The following BPIFB4 variants were observed in gnomAD, a reference collection of about 807,000 sequenced individuals.
BPIFB4 encodes BPI fold-containing family B member 4.
A neutral mutation model predicts 69.2 loss-of-function variants in BPIFB4; 62 were observed. The ratio of observed to expected loss-of-function variants is 0.90; its 90% CI spans 0.73 to 1.11. BPIFB4 has a LOEUF of 1.11. Ranked by LOEUF, BPIFB4 falls within the 50% of genes least tolerant of loss-of-function variation. The probability of loss-of-function intolerance (pLI) is 0.00; values close to 1 mark genes in which losing one functional copy is unlikely to be tolerated. For synonymous variants in BPIFB4, 330 were observed against 332.7 expected, an observed-to-expected ratio of 0.99 and a Z score of 0.09; for missense variants, 789 against 792.0, an observed-to-expected ratio of 1.00 and a Z score of 0.04.
chr20:33,094,443 T>G (rs1464427705), intron 11 of BPIFB4, among the ~76,000 whole-genome samples: 2 of 152,184 alleles, frequency 1.3e-5, no homozygotes, highest in African/African-American at 4.8e-5. Context: ...GTTATGCAAA[T>G]GGACTTGATG....
intron 16 of BPIFB4, among the ~76,000 whole-genome samples, chr20:33,105,681 T>C (rs1019218823): frequency 6.6e-6 from 1 of 152,200 alleles, no homozygotes; most frequent in African/African-American, 2.4e-5. Context: ...TGTCATCAGC[T>C]ACACCAGCGG....
At chr20:33,080,851 CAGAT>C (rs1213338805) in intron 2 of BPIFB4, among the ~76,000 whole-genome samples, 19 of 151,574 alleles carry the variant, frequency 1.3e-4, no homozygotes, top group Non-Finnish European at 2.1e-4. Flanking sequence ...GTTTGGATGA[CAGAT>C]GGATGATAGA....
At position 33,104,321 on chromosome 20, in the gene BPIFB4, G is replaced by A. The variant is rs145986586; in HGVS notation, c.1681-489G>A. Among the ~76,000 whole-genome samples, 1,320 of 152,294 alleles carry A rather than the reference G, an allele frequency of 8.7e-3. 16 individuals carry two copies. Among genetic ancestry groups the A allele is most frequent in the African/African-American group, 0.03 (1,243 of 41,560 alleles). ...ACGTGATCTACCCACCATCCTCACC[G>A]CATCCTTGCAAACTCAGCTCACTGA... On this transcript the variant is annotated intron_variant, in intron 15 of 17. Coordinates refer to ENST00000375483, the MANE Select transcript of BPIFB4 (RefSeq NM_182519.3).
intron 10 of BPIFB4, among the ~76,000 whole-genome samples, chr20:33,091,362 G>A (rs1981594660): frequency 6.6e-6 from 1 of 152,236 alleles, no homozygotes. Flanking sequence ...GACGTCAGTG[G>A]ATGCAGAGTT....
Position 33,084,969 on chromosome 20 carries a change from A to T in BPIFB4, c.755A>T (p.Tyr252Phe), listed in dbSNP as rs975728531. 1.9e-6 allele frequency: 3 copies of T among 1,611,968 alleles called. No homozygotes were observed. The highest frequency in any genetic ancestry group is 1.7e-5 in the Admixed American group (1 of 59,986). ...LPGVGVYLSL[Y>F]TRVAINGKSL... Reference sequence around the variant, plus strand: ...GGCGTGGGTGTCTACCTGAGCTTGTACACCCGTGTGGCCATCAACGGGAAG... The same window carrying T: ...GGCGTGGGTGTCTACCTGAGCTTGTTCACCCGTGTGGCCATCAACGGGAAG... The change falls in exon 6 of 18, where the codon TAC becomes TTC. Residue 252 changes from tyrosine to phenylalanine, a missense_variant. Tyr to Phe is a conservative substitution (Grantham distance 22, BLOSUM62 3). This residue lies in a region of BPIFB4 where 611 missense variants were observed against 575.4 expected (regional missense o/e 1.06). Transcript: ENST00000375483.
At chr20:33,100,648 T>G (rs1416502816) in intron 14 of BPIFB4, among the ~76,000 whole-genome samples, 155 bp downstream of exon 14, 1 of 152,172 alleles carries the variant, frequency 6.6e-6, no homozygotes, top group Non-Finnish European at 1.5e-5. Flanking sequence ...CCATTACCAC[T>G]GTCACAAGCC....
chr20:33,109,850 C>T (rs1298335468), intron 17 of BPIFB4, among the ~76,000 whole-genome samples: 1 of 152,142 alleles, frequency 6.6e-6, no homozygotes, highest in Non-Finnish European at 1.5e-5. Context: ...AAGAAAACCT[C>T]AGTCCCAGGC....
At chr20:33,089,328 C>A (rs1981528147) in intron 8 of BPIFB4, among the ~76,000 whole-genome samples, 170 bp from the exon 9 acceptor site, 1 of 152,218 alleles carries the variant, frequency 6.6e-6, no homozygotes, top group Admixed American at 6.5e-5. Flanking sequence ...ATTTTCCCAT[C>A]TGTAAGTGGG....
intron 16 of BPIFB4, among the ~76,000 whole-genome samples, chr20:33,105,875 G>A (rs1463615368): frequency 2.0e-5 from 3 of 152,196 alleles, no homozygotes; most frequent in African/African-American, 4.8e-5. Flanking sequence ...ATCACTAAGA[G>A]TGGTGTGAAC....
At chr20:33,110,634 T>G (rs1982207595) in intron 17 of BPIFB4, among the ~76,000 whole-genome samples, 1 of 152,168 alleles carries the variant, frequency 6.6e-6, no homozygotes, top group Non-Finnish European at 1.5e-5. Context: ...GATATTCTGC[T>G]TCTCCAATTC....
chr20:33,089,385 G>C, intron 8 of BPIFB4, 113 bp from the exon 9 acceptor site: 2 of 1,528,668 alleles, frequency 1.3e-6, no homozygotes, highest in Admixed American at 3.4e-5. Context: ...GAGAGTGCCT[G>C]GCACAGAGCA....
chr20:33,110,088 G>A (rs1025896798), intron 17 of BPIFB4, among the ~76,000 whole-genome samples: 4 of 152,096 alleles, frequency 2.6e-5, no homozygotes, highest in East Asian at 1.9e-4. Context: ...GTACAAAACC[G>A]TGAAGAATCT....
chr20:33,090,735 G>A lies in BPIFB4; in HGVS notation c.1079G>A (p.Ser360Asn), dbSNP rs150652053. 649 of 1,614,198 alleles carry A rather than the reference G, an allele frequency of 4.0e-4. 5 individuals are homozygous for A. In the East Asian group the frequency reaches 0.011, roughly 28 times the overall value. Residue 360 changes from serine to asparagine, a missense_variant, in exon 10 of 18, where the codon AGT (serine) becomes AAT (asparagine). By Grantham distance (46) the Ser-to-Asn change is conservative. Coordinates refer to ENST00000375483, the MANE Select transcript of BPIFB4 (RefSeq NM_182519.3). ...DSLIPLGILG[S>N]VQYTFSSLPL... ...CTGATTCCTCTGGGGATATTGGGAA[G>A]TGTCCAGTACACCTTCTCCAGCCTC...
chr20:33,097,537 T>G, intron 12 of BPIFB4, 80 bp from the exon 13 acceptor site: 1 of 1,420,190 alleles, frequency 7.0e-7, no homozygotes, highest in Non-Finnish European at 9.7e-7. Flanking sequence ...CGGTGCTCTG[T>G]GTTTAGAGGT....
rs201934784 is a variant in BPIFB4, at chr20:33,083,458, T to C, written c.261T>C (p.Tyr87=). The change falls in exon 5 of 18, where the codon TAT becomes TAC. Residue 87 remains tyrosine, a synonymous_variant. Transcript: ENST00000375483. ...NGKKLDGIYQ[Y]GHIETNDNTA... is the part of the protein sequence containing the mutation. The stretch of plus-strand genomic sequence containing the variant: ...AAAAACTTGATGGTATTTACCAGTA[T>C]GGTCACATTGAGACCAACGACAACA... 92 of 1,613,682 alleles carry C rather than the reference T, an allele frequency of 5.7e-5. No homozygotes were observed. The African/African-American group carries it at 1.2e-3, about 21-fold the overall frequency.
Position 33,097,845 on chromosome 20 carries a change from T to A in BPIFB4, c.1569+58T>A, listed in dbSNP as rs575799605. ...TGGGCCTCAAGACAGAGCCACATGG[T>A]CTCCTGGAGCCCAAAGACCCCTTCA... On this transcript the variant is annotated intron_variant, in intron 13 of 17. Transcript: ENST00000375483. 6 of 1,497,386 alleles carry A rather than the reference T, an allele frequency of 4.0e-6. No homozygotes were observed. The African/African-American group carries it at 8.3e-5, about 21-fold the overall frequency. The allele number at this position is 1,497,386 out of a possible 1,614,324, so 92.8% of individuals were successfully genotyped here. A position where few individuals can be genotyped will look rare whatever the true frequency, so the allele number is the denominator to read the frequency against.
intron 17 of BPIFB4, among the ~76,000 whole-genome samples, chr20:33,109,402 C>A (rs978310485): frequency 1.3e-5 from 2 of 152,106 alleles, no homozygotes; most frequent in Non-Finnish European, 2.9e-5. Context: ...ACTTGGCCAT[C>A]AACAGCCCTG....
chr20:33,086,952 C>T (rs563088611), intron 7 of BPIFB4, among the ~76,000 whole-genome samples: 2 of 152,298 alleles, frequency 1.3e-5, no homozygotes, highest in Admixed American at 1.3e-4. Context: ...CCCACTTCTT[C>T]CTCTCCATTA....
intron 8 of BPIFB4, 130 bp downstream of exon 8, chr20:33,089,159 TGTATTTGGAGG>T: frequency 7.0e-7 from 1 of 1,435,544 alleles, no homozygotes; most frequent in Non-Finnish European, 9.6e-7. Context: ...GCCTGGGGCA[TGTATTTGGAGG>T]GTCTGGGGAG....
Sources: allele counts gnomAD v4.1 joint callset (sites outside exome capture counted in the v4.1 genomes callset), GRCh38; gene constraint gnomAD v4.1.1; regional missense constraint gnomAD v4.1.1; transcripts MANE v1.5; gene names NCBI Gene and HGNC (gene_info 2026-07-23, HGNC 2026-07-21).